The following PTCHD1 variants were observed in gnomAD, a reference collection of about 807,000 sequenced individuals.
PTCHD1 encodes patched domain containing 1.
In PTCHD1, 3 loss-of-function variants were observed where a neutral mutation model predicts 34.6. The observed-to-expected ratio is 0.09, with a 90% CI of 0.04 to 0.22. The LOEUF is 0.22. Ranked by LOEUF, PTCHD1 falls within the 10% of genes least tolerant of loss-of-function variation. PTCHD1 has a pLI of 1.00. For missense variants in PTCHD1, 504 were observed against 685.5 expected, an observed-to-expected ratio of 0.74 and a Z score of 2.96; for synonymous variants, 305 against 283.1, an observed-to-expected ratio of 1.08 and a Z score of -0.77.
chrX:23,344,833 T>C (rs916247703), intron 1 of PTCHD1, among the ~76,000 whole-genome samples: 2 of 111,801 alleles, frequency 1.8e-5, no homozygotes, highest in Non-Finnish European at 3.8e-5. Flanking sequence ...TTCAGGGCTC[T>C]CCTCACCACA....
intron 1 of PTCHD1, among the ~76,000 whole-genome samples, chrX:23,335,612 A>G (rs1343085337): frequency 8.9e-6 from 1 of 112,606 alleles, no homozygotes; most frequent in Non-Finnish European, 1.9e-5. Context: ...CTACTACTTG[A>G]GAACAAAATA....
Position 23,353,615 on chromosome X carries a change from A to C in PTCHD1, c.351+18389A>C, listed in dbSNP as rs866381496. 4.1e-3 allele frequency among the ~76,000 whole-genome samples: 420 copies of C among 103,492 alleles called. 2 individuals carry two copies. The highest frequency in any genetic ancestry group is 0.018 in the African/African-American group (410 of 22,888). 89.9% of individuals were successfully genotyped at this position (103,492 alleles called of 115,157 possible). On this transcript the variant is annotated intron_variant, in intron 1 of 2. Transcript: ENST00000379361. ...AAAACAAAACAAAACAAAACAAAAAAAAAAAACGTAAGCTAAGAGATCCTA... is the reference window on the plus strand; with the variant it reads ...AAAACAAAACAAAACAAAACAAAAACAAAAAACGTAAGCTAAGAGATCCTA...
chrX:23,370,669 A>C, intron 1 of PTCHD1, among the ~76,000 whole-genome samples: 1 of 111,875 alleles, frequency 8.9e-6, no homozygotes, highest in East Asian at 2.8e-4. Context: ...CATTGTTCTC[A>C]AGTTCAGTGC....
chrX:23,363,303 C>A (rs1271663724), intron 1 of PTCHD1, among the ~76,000 whole-genome samples: 1 of 112,638 alleles, frequency 8.9e-6, no homozygotes, highest in Non-Finnish European at 1.9e-5. Context: ...GCGGTGGGTT[C>A]CGCCCAGTTT....
chrX:23,372,574 G>A lies in PTCHD1; in HGVS notation c.352-7017G>A, dbSNP rs764783337. 2.7e-5 allele frequency among the ~76,000 whole-genome samples: 3 copies of A among 111,550 alleles called. No homozygotes were observed. The East Asian group carries it at 8.5e-4, about 31-fold the overall frequency. Reference sequence around the variant, plus strand: ...AGTGCTCCTCCCATTCAGGTCCATGGTTGGTCATTCTCTAGACCTGAATGT... The same window carrying A: ...AGTGCTCCTCCCATTCAGGTCCATGATTGGTCATTCTCTAGACCTGAATGT... On this transcript the variant is annotated intron_variant, in intron 1 of 2. Transcript: ENST00000379361.
At position 23,402,508 on chromosome X, in the gene PTCHD1, T is replaced by A. The variant is rs1471036068; in HGVS notation, c.*8323T>A. ...AATGTAAATTGTTCTGGATTGTCTATAAGATAAAGATACAGAGCCTGAATC... is the reference window on the plus strand; with the variant it reads ...AATGTAAATTGTTCTGGATTGTCTAAAAGATAAAGATACAGAGCCTGAATC... On this transcript the variant is annotated 3_prime_UTR_variant, in exon 3 of 3. Transcript: ENST00000379361. 8.9e-6 allele frequency: 1 copy of A among 112,057 alleles called. No individual in the cohort carries two copies. The highest frequency in any genetic ancestry group is 1.9e-5 in the Non-Finnish European group (1 of 53,203). 9.2% of individuals were successfully genotyped at this position (112,057 alleles called of 1,213,427 possible).
At chrX:23,391,290 C>T (rs996540584) in intron 2 of PTCHD1, among the ~76,000 whole-genome samples, 4 of 111,473 alleles carry the variant, frequency 3.6e-5, no homozygotes, top group Non-Finnish European at 5.6e-5. Flanking sequence ...TATCAAATAG[C>T]GCGGAGAAGC....
intron 1 of PTCHD1, among the ~76,000 whole-genome samples, chrX:23,342,302 ATATATATATTTTT>A (rs1921352252): frequency 1.0e-4 from 1 of 10,012 alleles, no homozygotes; most frequent in African/African-American, 1.7e-3. Flanking sequence ...ATATATATAT[ATATATATATTTTT>A]TTTTTTTTTT....
intron 1 of PTCHD1, among the ~76,000 whole-genome samples, chrX:23,335,628 C>T (rs1161969871): frequency 8.9e-6 from 1 of 112,506 alleles, no homozygotes; most frequent in Non-Finnish European, 1.9e-5. Flanking sequence ...AAATACTATG[C>T]TTGGAGGGGA....
In PTCHD1 at chrX:23,400,629, T is replaced by G. The variant is rs986787034; in HGVS notation, c.*6444T>G. On this transcript the variant is annotated 3_prime_UTR_variant, in exon 3 of 3. Coordinates refer to ENST00000379361, the MANE Select transcript of PTCHD1 (RefSeq NM_173495.3). ...CTTGTTGGCTCTGCTGCTGCTGATA[T>G]AACTTCAGGCACAACGGAAGCCGCC... 1 of 112,243 alleles carries G rather than the reference T, an allele frequency of 8.9e-6. No individual in the cohort carries two copies. Among genetic ancestry groups the G allele is most frequent in the African/African-American group, 3.2e-5 (1 of 30,877 alleles). The allele number at this position is 112,243 out of a possible 1,213,427, so 9.3% of individuals were successfully genotyped here.
intron 1 of PTCHD1, among the ~76,000 whole-genome samples, chrX:23,348,778 A>C (rs1194847695): frequency 8.9e-6 from 1 of 112,102 alleles, no homozygotes; most frequent in Non-Finnish European, 1.9e-5. Flanking sequence ...GTTGTCCCGC[A>C]AAAAGTGTTA....
At chrX:23,361,576 A>C (rs2146626655) in intron 1 of PTCHD1, among the ~76,000 whole-genome samples, 1 of 111,757 alleles carries the variant, frequency 8.9e-6, no homozygotes, top group African/African-American at 3.3e-5. Flanking sequence ...TGAATACAGC[A>C]CACTGATGCG....
chrX:23,353,687 C>T (rs780595011), intron 1 of PTCHD1, among the ~76,000 whole-genome samples: 31 of 112,074 alleles, frequency 2.8e-4, no homozygotes, highest in Non-Finnish European at 4.7e-4. Flanking sequence ...GAGATGAACA[C>T]GGGCTCCATC....
intron 2 of PTCHD1, among the ~76,000 whole-genome samples, chrX:23,389,161 T>C (rs1922760835): frequency 8.9e-6 from 1 of 112,053 alleles, no homozygotes; most frequent in East Asian, 2.8e-4. Flanking sequence ...AAGGATACCC[T>C]TGAAAGTTCC....
intron 1 of PTCHD1, among the ~76,000 whole-genome samples, chrX:23,345,156 C>T (rs1005706583): frequency 8.9e-6 from 1 of 112,070 alleles, no homozygotes; most frequent in African/African-American, 3.2e-5. Context: ...TTTATAGGAT[C>T]CCAAAAGAAA....
chrX:23,355,488 A>G (rs1264832536), intron 1 of PTCHD1, among the ~76,000 whole-genome samples: 2 of 112,990 alleles, frequency 1.8e-5, no homozygotes, highest in Non-Finnish European at 3.7e-5. Context: ...TAGCCATTAT[A>G]ATAATGCATA....
intron 2 of PTCHD1, 126 bp downstream of exon 2, chrX:23,380,377 C>T: frequency 1.5e-6 from 1 of 659,163 alleles, no homozygotes; most frequent in Non-Finnish European, 2.4e-6. Context: ...GCCCAAAAGT[C>T]CTGGGACCCA....
intron 1 of PTCHD1, among the ~76,000 whole-genome samples, chrX:23,337,708 G>C (rs772687133): frequency 9.0e-6 from 1 of 111,424 alleles, no homozygotes; most frequent in South Asian, 3.9e-4. Context: ...CGGTTTTATG[G>C]CGTCACATTT....
At position 23,396,234 on chromosome X, in the gene PTCHD1, G is replaced by A. The variant is rs1009289991; in HGVS notation, c.*2049G>A. On this transcript the variant is annotated 3_prime_UTR_variant, in exon 3 of 3. Coordinates refer to ENST00000379361, the MANE Select transcript of PTCHD1 (RefSeq NM_173495.3). Reference sequence around the variant, plus strand: ...ATTGTAGCTAATGCATTACACAGTCGTTCAGTCTTCTCTGCAGACACACTA... The same window carrying A: ...ATTGTAGCTAATGCATTACACAGTCATTCAGTCTTCTCTGCAGACACACTA... 4.5e-5 allele frequency: 5 copies of A among 112,022 alleles called. No homozygotes were observed. Among genetic ancestry groups the A allele is most frequent in the Admixed American group, 9.5e-5 (1 of 10,512 alleles). The allele number at this position is 112,022 out of a possible 1,213,427, so 9.2% of individuals were successfully genotyped here.
Sources: gnomAD v4.1 joint callset for allele counts (sites outside exome capture counted in the v4.1 genomes callset) on GRCh38, gnomAD v4.1.1 for gene constraint, MANE v1.5 for transcripts, NCBI Gene and HGNC (gene_info 2026-07-23, HGNC 2026-07-21) for gene names.